TARM1: variants seen among roughly 807,000 people sequenced by gnomAD.
The protein encoded by TARM1 is T cell-interacting, activating receptor on myeloid cells 1.
In TARM1, 24 loss-of-function variants were observed where a neutral mutation model predicts 30.4. That is an observed-to-expected ratio of 0.79 (90% CI 0.57 to 1.11). TARM1 has a LOEUF of 1.11. Ranked by LOEUF, TARM1 falls within the 50% of genes least tolerant of loss-of-function variation. The pLI is 0.00. For synonymous variants in TARM1, 129 were observed against 138.9 expected (o/e 0.93, Z 0.50); for missense variants, 323 against 332.8 (o/e 0.97, Z 0.23).
chr19:54,073,407 CAAAAAAA>C (rs745643672), intron 4 of TARM1, among the ~76,000 whole-genome samples: 10 of 66,076 alleles, frequency 1.5e-4, no homozygotes, highest in African/African-American at 1.8e-4. Context: ...GACTCCATTT[CAAAAAAA>C]AAAAAAAAAA....
chr19:54,080,125 A>C (rs2072070993), intron 1 of TARM1, among the ~76,000 whole-genome samples: 1 of 48,686 alleles, frequency 2.1e-5, no homozygotes, highest in African/African-American at 7.1e-5. Context: ...GGAAGGAAGG[A>C]AGGAAGGAAG....
At chr19:54,070,615 CT>C (rs1211477116) in intron 4 of TARM1, among the ~76,000 whole-genome samples, 27 of 146,082 alleles carry the variant, frequency 1.8e-4, no homozygotes, top group East Asian at 4.1e-4. Context: ...TTTAATTGAA[CT>C]TTTTTTTTTT....
intron 1 of TARM1, among the ~76,000 whole-genome samples, 184 bp downstream of exon 1, chr19:54,081,123 C>T (rs1296269003): frequency 1.3e-5 from 2 of 152,140 alleles, no homozygotes; most frequent in African/African-American, 4.8e-5. Flanking sequence ...GTTGAAACTA[C>T]AGGAGTTGAA....
In TARM1 at chr19:54,080,975, AAAAAT is replaced by A. The variant is rs587629983; in HGVS notation, c.34+327_34+331del. Among the ~76,000 whole-genome samples, 65 of 152,210 alleles carry A rather than the reference AAAAAT, an allele frequency of 4.3e-4. 2 individuals carry two copies. The South Asian group carries it at 0.012, about 29-fold the overall frequency. ...CAACAAGAGCAAAACCCTGTCTCAA[AAAAAT>A]AAAATAAAATAAAATAAAATAAGGT... On this transcript the variant is annotated intron_variant, in intron 1 of 4. Transcript: ENST00000432826.
chr19:54,078,289 G>A (rs12104366), intron 1 of TARM1, among the ~76,000 whole-genome samples: 29,446 of 144,638 alleles, frequency 0.2, 3,047 homozygotes, highest in East Asian at 0.29. Flanking sequence ...GGGCTCAGGT[G>A]ATCCTCCCAC....
intron 1 of TARM1, among the ~76,000 whole-genome samples, chr19:54,077,503 T>G (rs1196858598): frequency 6.6e-6 from 1 of 152,108 alleles, no homozygotes; most frequent in Non-Finnish European, 1.5e-5. Context: ...CTCTGAGAGA[T>G]TTCCTCTTTT....
intron 1 of TARM1, among the ~76,000 whole-genome samples, chr19:54,080,047 A>AGGAG (rs1337743038): frequency 0.012 from 1,649 of 134,636 alleles, 49 homozygotes; most frequent in South Asian, 0.019. Flanking sequence ...GAAGGAAGGA[A>AGGAG]GGGAAAGAGA....
At chr19:54,073,809 G>T in intron 4 of TARM1, 111 bp downstream of exon 4, 1 of 1,350,950 alleles carries the variant, frequency 7.4e-7, no homozygotes, top group Non-Finnish European at 1.0e-6. Flanking sequence ...GGAAGATTTT[G>T]TTAAGAGCGA....
At chr19:54,076,326 TTTTC>T (rs759392068) in intron 1 of TARM1, 53,952 of 561,504 alleles carry the variant, frequency 0.096, 5,376 homozygotes, top group Middle Eastern at 0.11. Context: ...CTTTCTTTCT[TTTTC>T]TTTCTTTCTT....
intron 1 of TARM1, chr19:54,076,219 ATTTC>A (rs761207308): frequency 2.2e-4 from 328 of 1,507,204 alleles, no homozygotes; most frequent in African/African-American, 1.2e-3. Flanking sequence ...CATTCTTACC[ATTTC>A]TTTCTTTCTT....
intron 3 of TARM1, 77 bp downstream of exon 3, chr19:54,074,747 C>G (rs1174819959): frequency 6.8e-7 from 1 of 1,461,136 alleles, no homozygotes; most frequent in African/African-American, 1.4e-5. Context: ...GGTGGGACCC[C>G]TTTTCTCCCT....
At chr19:54,078,647 G>A (rs1331374686) in intron 1 of TARM1, among the ~76,000 whole-genome samples, 2 of 151,774 alleles carry the variant, frequency 1.3e-5, no homozygotes, top group African/African-American at 4.8e-5. Context: ...GATTACAGGC[G>A]TGAGCCACCA....
intron 1 of TARM1, among the ~76,000 whole-genome samples, chr19:54,077,294 C>A (rs990918783): frequency 6.6e-6 from 1 of 151,720 alleles, no homozygotes; most frequent in Non-Finnish European, 1.5e-5. Flanking sequence ...GGCAGAGAAT[C>A]GCTTGAACCC....
chr19:54,072,017 C>G (rs977997911), intron 4 of TARM1, among the ~76,000 whole-genome samples: 1 of 151,976 alleles, frequency 6.6e-6, no homozygotes, highest in African/African-American at 2.4e-5. Context: ...ATGGTAAAAC[C>G]CCATCTCTAC....
chr19:54,080,019 GGGAAGGAA>G (rs71195717), intron 1 of TARM1, among the ~76,000 whole-genome samples: 3 of 83,092 alleles, frequency 3.6e-5, no homozygotes, highest in Non-Finnish European at 4.4e-5. Context: ...AGGAAAAGGA[GGGAAGGAA>G]GGAAGGAAGG....
intron 1 of TARM1, among the ~76,000 whole-genome samples, chr19:54,080,314 C>T (rs1233240263): frequency 1.3e-5 from 2 of 150,658 alleles, no homozygotes; most frequent in African/African-American, 2.4e-5. Flanking sequence ...CGAAAAAAGC[C>T]GGGCATGGTG....
intron 3 of TARM1, among the ~76,000 whole-genome samples, chr19:54,074,534 T>C (rs1164478599): frequency 6.6e-6 from 1 of 151,972 alleles, no homozygotes; most frequent in Non-Finnish European, 1.5e-5. Flanking sequence ...AATACAAAAA[T>C]TAGCCGGGCA....
At chr19:54,070,783 TG>T (rs2071792587) in intron 4 of TARM1, among the ~76,000 whole-genome samples, 1 of 151,318 alleles carries the variant, frequency 6.6e-6, no homozygotes. Context: ...CGGCTAATTT[TG>T]TATTTTTAGT....
intron 4 of TARM1, among the ~76,000 whole-genome samples, chr19:54,070,557 G>A (rs1191064205): frequency 6.6e-6 from 1 of 151,590 alleles, no homozygotes; most frequent in Non-Finnish European, 1.5e-5. Flanking sequence ...ACCGCGCCCG[G>A]CCACCCACTT....
Sources: gnomAD v4.1 joint callset for allele counts (sites outside exome capture counted in the v4.1 genomes callset) on GRCh38, gnomAD v4.1.1 for gene constraint, MANE v1.5 for transcripts, NCBI Gene and HGNC (gene_info 2026-07-23, HGNC 2026-07-21) for gene names.